The following NRXN3 variants were observed in gnomAD, a reference collection of about 807,000 sequenced individuals.
The protein encoded by NRXN3 is neurexin 3.
NRXN3 carries 32 observed loss-of-function variants against 137.6 expected under a neutral mutation model. The ratio of observed to expected loss-of-function variants is 0.23; its 90% CI spans 0.18 to 0.31. The LOEUF is 0.31. Ranked by LOEUF, NRXN3 falls within the 10% of genes least tolerant of loss-of-function variation. The pLI, the probability that NRXN3 is intolerant of heterozygous loss-of-function variation, is 1.00. For synonymous variants in NRXN3, 798 were observed against 784.5 expected, an observed-to-expected ratio of 1.02 and a Z score of -0.29; for missense variants, 1,574 against 2,062.5, an observed-to-expected ratio of 0.76 and a Z score of 4.59.
chr14:78,887,925 T>C (rs565113866), intron 10 of NRXN3, among the ~76,000 whole-genome samples: 3 of 152,064 alleles, frequency 2.0e-5, no homozygotes, highest in African/African-American at 4.8e-5. Flanking sequence ...ATGCCTGGGA[T>C]TGGATTCTTG....
At chr14:78,718,837 C>T (rs1207925844) in intron 8 of NRXN3, among the ~76,000 whole-genome samples, 1 of 152,198 alleles carries the variant, frequency 6.6e-6, no homozygotes, top group African/African-American at 2.4e-5. Flanking sequence ...ACCTAAACAG[C>T]AAAGGCCTGT....
chr14:79,437,033 G>T (rs2370983), intron 15 of NRXN3, among the ~76,000 whole-genome samples: 1 of 151,902 alleles, frequency 6.6e-6, no homozygotes, highest in South Asian at 2.1e-4. Context: ...TCATCTCCAT[G>T]AATCACTAAT....
At chr14:78,599,455 A>G (rs773415819) in intron 4 of NRXN3, among the ~76,000 whole-genome samples, 1 of 152,278 alleles carries the variant, frequency 6.6e-6, no homozygotes, top group Non-Finnish European at 1.5e-5. Context: ...GTTAACACAT[A>G]GCAATCTGGT....
intron 16 of NRXN3, among the ~76,000 whole-genome samples, chr14:79,597,596 A>G (rs751915811): frequency 1.1e-4 from 16 of 152,238 alleles, no homozygotes; most frequent in Middle Eastern, 6.8e-3. Context: ...TATTGTTGTT[A>G]CCATACGCAA....
At chr14:78,645,459 C>G in intron 5 of NRXN3, 38 bp downstream of exon 5, 1 of 1,512,076 alleles carries the variant, frequency 6.6e-7, no homozygotes, top group Non-Finnish European at 8.8e-7. Flanking sequence ...GAAGGCTCAT[C>G]TTAGGTGGCT....
intron 1 of NRXN3, among the ~76,000 whole-genome samples, chr14:78,195,172 C>G (rs762815838): frequency 7.9e-5 from 12 of 150,982 alleles, no homozygotes; most frequent in Admixed American, 2.7e-4. Flanking sequence ...AAAATTAGCT[C>G]TCAGGGAAAG....
intron 16 of NRXN3, among the ~76,000 whole-genome samples, chr14:79,552,671 AGAG>A (rs1300552482): frequency 1.3e-5 from 2 of 152,146 alleles, no homozygotes; most frequent in South Asian, 2.1e-4. Flanking sequence ...AATAATTTTT[AGAG>A]GAGATGAGTG....
rs149138965 is a variant in NRXN3 at position 79,748,267 on chromosome 14, C to T, written c.4014+50330C>T. Among the ~76,000 whole-genome samples the T allele has an allele frequency of 8.0e-4, 121 of 152,074 alleles. 1 individual carries two copies. The highest frequency in any genetic ancestry group is 3.0e-3 in the Admixed American group (45 of 15,242). On this transcript the variant is annotated intron_variant, in intron 19 of 20. Coordinates refer to ENST00000335750, the MANE Select transcript of NRXN3 (RefSeq NM_001330195.2). ...AAAATTTTAAAAACTTAAAAAAAAG[C>T]GCCTCTTAAAGTTATAAGGGAGGGT...
chr14:79,421,851 A>G (rs1313293384), intron 15 of NRXN3, among the ~76,000 whole-genome samples: 1 of 152,192 alleles, frequency 6.6e-6, no homozygotes, highest in African/African-American at 2.4e-5. Context: ...AATATAATTT[A>G]TTCTCTGTGC....
chr14:78,787,494 T>A (rs1355142538), intron 8 of NRXN3, among the ~76,000 whole-genome samples: 1 of 152,146 alleles, frequency 6.6e-6, no homozygotes, highest in East Asian at 1.9e-4. Flanking sequence ...AAAGCAAAGG[T>A]AATAGGTATA....
chr14:78,888,194 T>G (rs931541619), intron 10 of NRXN3, among the ~76,000 whole-genome samples: 1 of 152,078 alleles, frequency 6.6e-6, no homozygotes, highest in Non-Finnish European at 1.5e-5. Flanking sequence ...TTTGATTTAT[T>G]TAGGAAACAT....
At chr14:79,086,200 C>T (rs2048060414) in intron 15 of NRXN3, among the ~76,000 whole-genome samples, 1 of 152,100 alleles carries the variant, frequency 6.6e-6, no homozygotes, top group South Asian at 2.1e-4. Context: ...GGATGAAATT[C>T]TACAGGTCAT....
chr14:79,565,219 G>A (rs2097535471), intron 16 of NRXN3, among the ~76,000 whole-genome samples: 2 of 145,670 alleles, frequency 1.4e-5, no homozygotes, highest in South Asian at 2.2e-4. Context: ...GTATATATAT[G>A]TGTGTGTATA....
chr14:79,053,690 G>A (rs747991878), intron 15 of NRXN3, among the ~76,000 whole-genome samples: 4 of 151,884 alleles, frequency 2.6e-5, no homozygotes, highest in Admixed American at 6.6e-5. Flanking sequence ...TGTCCCTAGC[G>A]GAAGAAGTAA....
intron 19 of NRXN3, among the ~76,000 whole-genome samples, chr14:79,775,999 A>G (rs2099095911): frequency 6.6e-6 from 1 of 152,194 alleles, no homozygotes; most frequent in Non-Finnish European, 1.5e-5. Context: ...TAAATAGCCA[A>G]GGAATGAATT....
intron 15 of NRXN3, among the ~76,000 whole-genome samples, chr14:79,317,636 C>A (rs1049525421): frequency 6.6e-6 from 1 of 152,044 alleles, no homozygotes; most frequent in Non-Finnish European, 1.5e-5. Context: ...GGAAAAGCCC[C>A]GGCAACCGAA....
chr14:79,254,419 C>T (rs143930315), intron 15 of NRXN3, among the ~76,000 whole-genome samples: 147 of 152,222 alleles, frequency 9.7e-4, no homozygotes, highest in Non-Finnish European at 1.6e-3. Flanking sequence ...TAATGAAGCT[C>T]CTTGGTGACT....
At chr14:78,477,332 G>A (rs572596588) in intron 4 of NRXN3, among the ~76,000 whole-genome samples, 4 of 152,252 alleles carry the variant, frequency 2.6e-5, no homozygotes, top group African/African-American at 9.6e-5. Flanking sequence ...GGTTACAGAT[G>A]TATATGCAAA....
intron 6 of NRXN3, among the ~76,000 whole-genome samples, chr14:78,672,009 T>G (rs1181331124): frequency 6.6e-6 from 1 of 152,228 alleles, no homozygotes; most frequent in Non-Finnish European, 1.5e-5. Flanking sequence ...TGCCATCTTA[T>G]CTGTCTGTAT....
Sources: allele counts gnomAD v4.1 joint callset (sites outside exome capture counted in the v4.1 genomes callset), GRCh38; gene constraint gnomAD v4.1.1; transcripts MANE v1.5; gene names NCBI Gene and HGNC (gene_info 2026-07-23, HGNC 2026-07-21).